The following CPNE8 variants were observed in gnomAD, a reference collection of about 807,000 sequenced individuals.
CPNE8 encodes the protein copine 8.
Under a neutral mutation model 81.5 loss-of-function variants are expected in CPNE8, and 45 were observed. The observed-to-expected ratio is 0.55, with a 90% CI of 0.44 to 0.71. CPNE8 has a LOEUF of 0.71. Ranked by LOEUF, CPNE8 falls within the 30% of genes least tolerant of loss-of-function variation. CPNE8 has a pLI of 0.00. For missense variants in CPNE8, 594 were observed against 672.1 expected, an observed-to-expected ratio of 0.88 and a Z score of 1.28; for synonymous variants, 252 against 226.3, an observed-to-expected ratio of 1.11 and a Z score of -1.02.
chr12:38,810,509 A>G (rs1295677581), intron 6 of CPNE8, among the ~76,000 whole-genome samples: 1 of 151,824 alleles, frequency 6.6e-6, no homozygotes, highest in Non-Finnish European at 1.5e-5. Flanking sequence ...GTATTTCCCA[A>G]CTCATCATGT....
chr12:38,717,452 TATATATAC>T (rs1253357214), intron 13 of CPNE8, among the ~76,000 whole-genome samples: 9 of 137,980 alleles, frequency 6.5e-5, no homozygotes, highest in East Asian at 4.2e-4. Flanking sequence ...TATATATATA[TATATATAC>T]ACCATGGAAT....
Position 38,653,920 on chromosome 12 carries a change from A to G in CPNE8, c.1657T>C (p.Tyr553His). The change falls in exon 20 of 20, where the codon TAC becomes CAC. Residue 553 changes from tyrosine to histidine, a missense_variant. Physicochemically the swap from Tyr to His is moderately conservative, Grantham distance 83 (BLOSUM62 2). Transcript: ENST00000331366. ...TGTAACACATGTGTAGGTGGGGTGT[A>G]TGGGGGAGGCGCAGGTGATGGCTTG... ...GIKPSPAPPP[Y>H]TPPTHVLQTQ... is the part of the protein sequence containing the mutation. 1 of 1,613,458 alleles carries G rather than the reference A, an allele frequency of 6.2e-7. No homozygotes were observed. Among genetic ancestry groups the G allele is most frequent in the East Asian group, 2.2e-5 (1 of 44,798 alleles).
At chr12:38,798,968 G>T (rs995695847) in intron 6 of CPNE8, among the ~76,000 whole-genome samples, 1 of 152,104 alleles carries the variant, frequency 6.6e-6, no homozygotes, top group African/African-American at 2.4e-5. Context: ...TTACATAATG[G>T]TAAAGGGATC....
intron 6 of CPNE8, among the ~76,000 whole-genome samples, chr12:38,827,842 T>C (rs1943223641): frequency 1.3e-5 from 2 of 152,024 alleles, no homozygotes; most frequent in Non-Finnish European, 2.9e-5. Context: ...GGGAGGAAAG[T>C]GAGGACCGAA....
chr12:38,860,306 C>G (rs1490084874), intron 3 of CPNE8, among the ~76,000 whole-genome samples: 1 of 144,044 alleles, frequency 6.9e-6, no homozygotes, highest in Non-Finnish European at 1.5e-5. Flanking sequence ...AAAAGATGCT[C>G]AACATCACTA....
intron 1 of CPNE8, among the ~76,000 whole-genome samples, chr12:38,902,513 A>T (rs1462637400): frequency 6.6e-6 from 1 of 152,218 alleles, no homozygotes; most frequent in Non-Finnish European, 1.5e-5. Context: ...AGTGTGGGCA[A>T]ATCCTCAGAA....
intron 19 of CPNE8, among the ~76,000 whole-genome samples, chr12:38,656,101 G>T (rs1251511174): frequency 7.2e-6 from 1 of 138,582 alleles, no homozygotes; most frequent in East Asian, 2.3e-4. Context: ...AATCAAAGAG[G>T]TAAAAAAAAA....
intron 19 of CPNE8, among the ~76,000 whole-genome samples, chr12:38,661,333 T>C (rs1565558124): frequency 6.6e-6 from 1 of 152,080 alleles, no homozygotes; most frequent in Non-Finnish European, 1.5e-5. Flanking sequence ...CTGGAAACCA[T>C]CATTCTGAGC....
At chr12:38,688,385 T>C (rs1236000943) in intron 15 of CPNE8, among the ~76,000 whole-genome samples, 1 of 152,198 alleles carries the variant, frequency 6.6e-6, no homozygotes, top group Non-Finnish European at 1.5e-5. Flanking sequence ...ATGCCTTCTT[T>C]TTAGTATATG....
At chr12:38,849,888 G>A (rs541230880) in intron 3 of CPNE8, among the ~76,000 whole-genome samples, 1 of 152,188 alleles carries the variant, frequency 6.6e-6, no homozygotes, top group South Asian at 2.1e-4. Context: ...CTATAATTCT[G>A]CATGGTAGAA....
intron 18 of CPNE8, 24 bp from the exon 19 acceptor site, chr12:38,670,826 T>C: frequency 6.4e-7 from 1 of 1,555,926 alleles, no homozygotes; most frequent in African/African-American, 1.4e-5. Flanking sequence ...TATGATCATT[T>C]ATTCAGTACA....
chr12:38,737,993 C>T (rs1477229021), intron 10 of CPNE8, among the ~76,000 whole-genome samples: 2 of 152,114 alleles, frequency 1.3e-5, no homozygotes, highest in Admixed American at 6.6e-5. Flanking sequence ...CTCTGTATTT[C>T]GGGACACCAC....
At chr12:38,807,168 CA>C (rs1942828996) in intron 6 of CPNE8, among the ~76,000 whole-genome samples, 1 of 151,562 alleles carries the variant, frequency 6.6e-6, no homozygotes, top group African/African-American at 2.4e-5. Flanking sequence ...TGAAAATGGC[CA>C]TACTGCCCAA....
intron 3 of CPNE8, among the ~76,000 whole-genome samples, chr12:38,861,431 C>A (rs1016761958): frequency 6.6e-6 from 1 of 152,004 alleles, no homozygotes; most frequent in African/African-American, 2.4e-5. Context: ...TTAAAAACGA[C>A]TTATTAAACT....
chr12:38,819,454 C>A (rs897302092), intron 6 of CPNE8, among the ~76,000 whole-genome samples: 9 of 152,048 alleles, frequency 5.9e-5, no homozygotes, highest in African/African-American at 2.2e-4. Context: ...TAACTAACAT[C>A]CACCTGAGAA....
intron 5 of CPNE8, among the ~76,000 whole-genome samples, chr12:38,837,106 C>A (rs1474302783): frequency 2.0e-5 from 3 of 151,874 alleles, no homozygotes; most frequent in South Asian, 4.2e-4. Context: ...GGAGACGATG[C>A]AATATATCGG....
intron 1 of CPNE8, 152 bp from the exon 2 acceptor site, chr12:38,874,663 G>A (rs752425455): frequency 2.5e-5 from 12 of 480,510 alleles, no homozygotes; most frequent in Admixed American, 1.2e-4. Context: ...AAATAAACAT[G>A]TCCCAAGGGT....
rs1012535342 is a variant in CPNE8, at chr12:38,798,249, G to A, written c.408-21948C>T. 2.8e-4 allele frequency among the ~76,000 whole-genome samples: 42 copies of A among 152,038 alleles called. 1 individual carries two copies. Among genetic ancestry groups the A allele is most frequent in the East Asian group, 7.7e-4 (4 of 5,166 alleles). Reference sequence around the variant, plus strand: ...AGCAACTCCAAGACACATAATTGTCGGATTCACCAAAGTTGAAATGAAGGA... The same window carrying A: ...AGCAACTCCAAGACACATAATTGTCAGATTCACCAAAGTTGAAATGAAGGA... On this transcript the variant is annotated intron_variant, in intron 6 of 19. Transcript: ENST00000331366.
chr12:38,869,587 G>A (rs1167387015), intron 3 of CPNE8, among the ~76,000 whole-genome samples: 4 of 152,128 alleles, frequency 2.6e-5, no homozygotes, highest in African/African-American at 9.7e-5. Flanking sequence ...TATCCAGCAA[G>A]TTCAATTAGT....
Sources: gnomAD v4.1 joint callset for allele counts (sites outside exome capture counted in the v4.1 genomes callset) on GRCh38, gnomAD v4.1.1 for gene constraint, MANE v1.5 for transcripts, NCBI Gene and HGNC (gene_info 2026-07-23, HGNC 2026-07-21) for gene names.